ANAPC5: variants seen among roughly 807,000 people sequenced by gnomAD.
ANAPC5 encodes anaphase-promoting complex subunit 5.
ANAPC5 carries 60 observed loss-of-function variants against 91.3 expected under a neutral mutation model. The observed-to-expected ratio is 0.66, with a 90% CI of 0.53 to 0.81. The LOEUF (loss-of-function observed/expected upper bound fraction) is 0.81, where lower values mean the gene tolerates loss of function less well. Among genes scored for constraint, ANAPC5 ranks in the 40% least tolerant of loss-of-function variants. The pLI, the probability that ANAPC5 is intolerant of heterozygous loss-of-function variation, is 0.00. For synonymous variants in ANAPC5, 340 were observed against 364.1 expected, an observed-to-expected ratio of 0.93 and a Z score of 0.75; for missense variants, 690 against 931.5, an observed-to-expected ratio of 0.74 and a Z score of 3.37.
chr12:121,330,421 A>T (rs561034773), intron 9 of ANAPC5, among the ~76,000 whole-genome samples, 162 bp downstream of exon 9: 111 of 152,360 alleles, frequency 7.3e-4, no homozygotes, highest in African/African-American at 2.5e-3. Flanking sequence ...CACAGAATTT[A>T]GTGGTCTGAT....
chr12:121,335,568 C>G lies in ANAPC5; in HGVS notation c.915G>C (p.Leu305=). 1.2e-6 allele frequency: 2 copies of G among 1,612,926 alleles called. No individual in the cohort carries two copies. The highest frequency in any genetic ancestry group is 2.2e-5 in the East Asian group (1 of 44,862). ...GYGRSLRYAA[L]NLAALHCRFG... is the part of the protein sequence containing the mutation. ...AGCGGCAGTGCAGGGCGGCAAGATTCAGAGCGGCGTATCTCAAGCTCCGGC... is the reference window on the plus strand; with the variant it reads ...AGCGGCAGTGCAGGGCGGCAAGATTGAGAGCGGCGTATCTCAAGCTCCGGC... Residue 305 remains leucine (L), a synonymous_variant, in exon 7 of 17, where the codon CTG becomes CTC. Coordinates refer to ENST00000261819, the MANE Select transcript of ANAPC5 (RefSeq NM_016237.5).
chr12:121,348,447 C>T (rs1406766443), intron 1 of ANAPC5, among the ~76,000 whole-genome samples: 11 of 152,136 alleles, frequency 7.2e-5, no homozygotes, highest in African/African-American at 2.4e-4. Flanking sequence ...GGCAGATCAC[C>T]TGAAGCCAGG....
rs559125751 is a variant in ANAPC5, at chr12:121,316,028, T to G, written c.1893+2249A>C. Reference sequence around the variant, plus strand: ...CCAAACACAGAACAGGAGAAAATATTTGTAAATTATATATCTGATAAGGGT... The same window carrying G: ...CCAAACACAGAACAGGAGAAAATATGTGTAAATTATATATCTGATAAGGGT... On this transcript the variant is annotated intron_variant, in intron 15 of 16. Coordinates refer to ENST00000261819, the MANE Select transcript of ANAPC5 (RefSeq NM_016237.5). Among the ~76,000 whole-genome samples the G allele has an allele frequency of 5.9e-5, 9 of 152,262 alleles. No homozygotes were observed. The South Asian group carries it at 1.7e-3, about 28-fold the overall frequency.
chr12:121,330,567 G>A lies in ANAPC5; in HGVS notation c.1122+16C>T, dbSNP rs782753405. ...GACCATTTATGGAAACAATCTCACA[G>A]AAAGATGAGCCTTACCGGTAACCCA... On this transcript the variant is annotated intron_variant, in intron 9 of 16. Transcript: ENST00000261819. 1.2e-6 allele frequency: 2 copies of A among 1,606,650 alleles called. No individual in the cohort carries two copies. The highest frequency in any genetic ancestry group is 1.7e-6 in the Non-Finnish European group (2 of 1,175,602).
intron 5 of ANAPC5, among the ~76,000 whole-genome samples, chr12:121,338,316 G>A (rs919196324): frequency 4.6e-5 from 7 of 152,106 alleles, no homozygotes; most frequent in South Asian, 2.1e-4. Context: ...TTGGCCAGGC[G>A]TGGTGGCTCA....
At position 121,330,686 on chromosome 12, in the gene ANAPC5, T is replaced by A; in HGVS notation, c.1033-14A>T. ...ATAAAGCCAGCTCTGGCAAGAGAAATCATCAAAATATATCATAACAGTGGC... is the reference window on the plus strand; with the variant it reads ...ATAAAGCCAGCTCTGGCAAGAGAAAACATCAAAATATATCATAACAGTGGC... On this transcript the variant is annotated splice_polypyrimidine_tract_variant and intron_variant, in intron 8 of 16. Transcript: ENST00000261819. 1 of 1,608,552 alleles carries A rather than the reference T, an allele frequency of 6.2e-7. No homozygotes were observed. The highest frequency in any genetic ancestry group is 8.5e-7 in the Non-Finnish European group (1 of 1,175,030).
In ANAPC5 at chr12:121,347,878, G is replaced by C. The variant is rs1555274849; in HGVS notation, c.211C>G (p.Pro71Ala). 6.2e-7 allele frequency: 1 copy of C among 1,610,838 alleles called. No homozygotes were observed. The highest frequency in any genetic ancestry group is 2.2e-5 in the East Asian group (1 of 44,832). Residue 71 changes from proline to alanine, a missense_variant, in exon 2 of 17, where the codon CCA (proline) becomes GCA (alanine). This residue lies in a region of ANAPC5 where 238 missense variants were observed against 264.9 expected (regional missense o/e 0.90). Coordinates refer to ENST00000261819, the MANE Select transcript of ANAPC5 (RefSeq NM_016237.5). The part of the protein sequence containing the change: ...NQLLLPLLQG[P>A]DITLSKLYKL... Reference sequence around the variant, plus strand: ...TAAAGTTTTGACAGTGTAATATCTGGGCCCTGTGTAAAGGAGAGATAGGGA... The same window carrying C: ...TAAAGTTTTGACAGTGTAATATCTGCGCCCTGTGTAAAGGAGAGATAGGGA...
intron 1 of ANAPC5, among the ~76,000 whole-genome samples, chr12:121,350,356 T>TATCC (rs1903834904): frequency 6.6e-6 from 1 of 152,178 alleles, no homozygotes; most frequent in Non-Finnish European, 1.5e-5. Context: ...AGACAATGCT[T>TATCC]ATCCATCAAG....
chr12:121,318,262 CAG>C lies in ANAPC5; in HGVS notation c.1893+13_1893+14del. On this transcript the variant is annotated intron_variant, in intron 15 of 16. Coordinates refer to ENST00000261819, the MANE Select transcript of ANAPC5 (RefSeq NM_016237.5). ...TGAGCACAAATATGTGCTATAAAAA[CAG>C]AGATCGGCTTACCTGCGCAAAAGCC... The C allele has an allele frequency of 6.6e-7, 1 of 1,508,450 alleles. No homozygotes were observed. Among genetic ancestry groups the C allele is most frequent in the Non-Finnish European group, 8.9e-7 (1 of 1,128,408 alleles). The allele number at this position is 1,508,450 out of a possible 1,614,324, so 93.4% of individuals were successfully genotyped here.
intron 7 of ANAPC5, chr12:121,333,383 T>C (rs1051283864): frequency 5.3e-5 from 8 of 152,218 alleles, no homozygotes; most frequent in African/African-American, 1.9e-4. Flanking sequence ...TGTACAAATT[T>C]CTAACCCCCA....
chr12:121,352,264 A>G lies in ANAPC5; in HGVS notation c.77T>C (p.Ile26Thr). 6.2e-7 allele frequency: 1 copy of G among 1,614,136 alleles called. No individual in the cohort carries two copies. The highest frequency in any genetic ancestry group is 8.5e-7 in the Non-Finnish European group (1 of 1,179,986). The change falls in exon 1 of 17, where the codon ATC becomes ACC. Residue 26 changes from isoleucine to threonine, a missense_variant. Coordinates refer to ENST00000261819, the MANE Select transcript of ANAPC5 (RefSeq NM_016237.5). Reference protein sequence around the residue: ...NGVVHANVFGIKDWVTPYKIA... With the variant: ...NGVVHANVFGTKDWVTPYKIA... The stretch of plus-strand genomic sequence containing the variant: ...CTTGTACGGCGTCACCCAGTCCTTG[A>G]TGCCGAACACATTGGCGTGCACAAC...
At chr12:121,348,390 C>G (rs1403168589) in intron 1 of ANAPC5, among the ~76,000 whole-genome samples, 2 of 152,204 alleles carry the variant, frequency 1.3e-5, no homozygotes, top group African/African-American at 2.4e-5. Flanking sequence ...AGAGGCCGGG[C>G]ACAGTGGCTC....
intron 2 of ANAPC5, 107 bp from the exon 3 acceptor site, chr12:121,347,112 A>G (rs1555274794): frequency 1.6e-6 from 1 of 611,596 alleles, no homozygotes; most frequent in African/African-American, 1.9e-5. Context: ...GGCAATTCAG[A>G]GATTTGTATA....
rs1310901690 is a variant in ANAPC5 at position 121,339,281 on chromosome 12, C to T, written c.658-1889G>A. Among the ~76,000 whole-genome samples, 10 of 152,178 alleles carry T rather than the reference C, an allele frequency of 6.6e-5. 1 individual carries two copies. The South Asian group carries it at 1.9e-3, about 28-fold the overall frequency. ...GGCCAGGGTGGTCTCAAACTCCTGA[C>T]CTCAGGTGATCCACCTGCCTCTGCC... On this transcript the variant is annotated intron_variant, in intron 5 of 16. Transcript: ENST00000261819.
In ANAPC5 at chr12:121,318,127, C is replaced by T. The variant is rs1025493055; in HGVS notation, c.1893+150G>A. 7 of 973,282 alleles carry T rather than the reference C, an allele frequency of 7.2e-6. No homozygotes were observed. In the Admixed American group the frequency reaches 2.6e-4, roughly 37 times the overall value. The allele number at this position is 973,282 out of a possible 1,614,324, so 60.3% of individuals were successfully genotyped here. ...ACCAGGTTCACACCTCCACAGGCCT[C>T]CTTGGAGGGCTTGCACAGGAAGACT... is the stretch of plus-strand genomic sequence containing the variant. On this transcript the variant is annotated intron_variant, in intron 15 of 16. Coordinates refer to ENST00000261819, the MANE Select transcript of ANAPC5 (RefSeq NM_016237.5).
intron 5 of ANAPC5, among the ~76,000 whole-genome samples, chr12:121,340,295 A>C (rs1198960638): frequency 6.7e-6 from 1 of 149,590 alleles, no homozygotes; most frequent in Non-Finnish European, 1.5e-5. Context: ...CAGCCTGGGC[A>C]ACAAAAGCAA....
intron 5 of ANAPC5, among the ~76,000 whole-genome samples, chr12:121,339,075 GAC>G (rs1903351041): frequency 8.5e-6 from 1 of 117,294 alleles, no homozygotes; most frequent in African/African-American, 3.3e-5. Flanking sequence ...TTTTTTTTGA[GAC>G]AGAGTCTTGC....
chr12:121,316,823 G>A (rs1263236805), intron 15 of ANAPC5, among the ~76,000 whole-genome samples: 1 of 150,856 alleles, frequency 6.6e-6, no homozygotes, highest in Non-Finnish European at 1.5e-5. Flanking sequence ...ACAGCCAAAA[G>A]GTGGAAACGA....
chr12:121,313,957 C>T (rs1361526152), intron 15 of ANAPC5, among the ~76,000 whole-genome samples: 1 of 152,222 alleles, frequency 6.6e-6, no homozygotes, highest in Admixed American at 6.5e-5. Flanking sequence ...CACAGATCAA[C>T]ATCCTTTATG....
Sources: gnomAD v4.1 joint callset for allele counts (sites outside exome capture counted in the v4.1 genomes callset) on GRCh38, gnomAD v4.1.1 for gene constraint, gnomAD v4.1.1 regional missense constraint, MANE v1.5 for transcripts, NCBI Gene and HGNC (gene_info 2026-07-23, HGNC 2026-07-21) for gene names.